Variants in LIX1 observed in about 807,000 individuals in gnomAD.
LIX1 encodes the protein protein limb expression 1 homolog.
A neutral mutation model predicts 33.4 loss-of-function variants in LIX1; 24 were observed. The observed-to-expected ratio is 0.72, with a 90% CI of 0.52 to 1.01. The LOEUF is 1.01. Among genes scored for constraint, LIX1 ranks in the 50% least tolerant of loss-of-function variants. The pLI is 0.00. For synonymous variants in LIX1, 124 were observed against 124.0 expected (o/e 1.00, Z 0.00); for missense variants, 311 against 339.2 (o/e 0.92, Z 0.65).
At chr5:97,110,855 G>C (rs760451182) in intron 2 of LIX1, among the ~76,000 whole-genome samples, 1 of 152,234 alleles carries the variant, frequency 6.6e-6, no homozygotes. Flanking sequence ...ACACAAGAAG[G>C]CTTTGGGGGA....
At chr5:97,116,915 T>C (rs1169021495) in intron 2 of LIX1, among the ~76,000 whole-genome samples, 1 of 152,162 alleles carries the variant, frequency 6.6e-6, no homozygotes, top group East Asian at 1.9e-4. Flanking sequence ...GTGGAGATAG[T>C]CTGAAGTCTT....
At chr5:97,142,442 G>T in intron 1 of LIX1, 53 bp downstream of exon 1, 1 of 1,243,134 alleles carries the variant, frequency 8.0e-7, no homozygotes, top group Non-Finnish European at 1.2e-6. Context: ...GTGACTTGAC[G>T]TTTAGGACTA....
rs1431909010 is a variant in LIX1, at chr5:97,135,375, A to T, written c.82+7120T>A. Among the ~76,000 whole-genome samples, 3 of 152,232 alleles carry T rather than the reference A, an allele frequency of 2.0e-5. No homozygotes were observed. The East Asian group carries it at 5.8e-4, about 29-fold the overall frequency. ...AGTTAAGCAGCATGCCTGATTCCAC[A>T]TATGTGGTTTATATGTGCACATTGG... On this transcript the variant is annotated intron_variant, in intron 1 of 5. Transcript: ENST00000274382.
At chr5:97,105,163 A>G in intron 4 of LIX1, 27 bp downstream of exon 4, 1 of 1,590,224 alleles carries the variant, frequency 6.3e-7, no homozygotes, top group Middle Eastern at 1.7e-4. Context: ...GGATAATCAA[A>G]CAAATATGTG....
At chr5:97,126,449 T>G (rs1018104021) in intron 1 of LIX1, among the ~76,000 whole-genome samples, 3 of 152,140 alleles carry the variant, frequency 2.0e-5, no homozygotes, top group African/African-American at 7.2e-5. Flanking sequence ...CTGGTTGCCA[T>G]GTATATTTAA....
chr5:97,096,159 T>A (rs558123666), intron 5 of LIX1, among the ~76,000 whole-genome samples: 4 of 152,134 alleles, frequency 2.6e-5, no homozygotes, highest in African/African-American at 7.2e-5. Flanking sequence ...GAAGGATAAA[T>A]CTTGGAGAAC....
At position 97,124,584 on chromosome 5, in the gene LIX1, T is replaced by C; in HGVS notation, c.128A>G (p.Gln43Arg). 3 of 1,610,524 alleles carry C rather than the reference T, an allele frequency of 1.9e-6. No individual in the cohort carries two copies. The highest frequency in any genetic ancestry group is 2.5e-6 in the Non-Finnish European group (3 of 1,177,944). Reference protein sequence around the residue: ...MLQEFWESKQQQKAAFPSEGV... With the variant: ...MLQEFWESKQRQKAAFPSEGV... ...TTCACTTGGGAATGCAGCCTTCTGC[T>C]GCTGCTTGCTTTCCCAAAATTCCTG... Residue 43 changes from glutamine to arginine, a missense_variant, in exon 2 of 6, where the codon CAG becomes CGG. Transcript: ENST00000274382.
At chr5:97,110,940 G>A (rs1374630177) in intron 2 of LIX1, among the ~76,000 whole-genome samples, 10 of 152,146 alleles carry the variant, frequency 6.6e-5, no homozygotes, top group Admixed American at 5.9e-4. Flanking sequence ...ACCAGAATGG[G>A]TTTGACAAGG....
intron 2 of LIX1, 102 bp from the exon 3 acceptor site, chr5:97,107,602 T>C (rs1747126991): frequency 1.6e-6 from 2 of 1,260,554 alleles, no homozygotes; most frequent in African/African-American, 1.5e-5. Flanking sequence ...ATACATTTAC[T>C]GTCCGCATCT....
At chr5:97,123,571 G>A (rs972282512) in intron 2 of LIX1, among the ~76,000 whole-genome samples, 1 of 152,138 alleles carries the variant, frequency 6.6e-6, no homozygotes, top group East Asian at 1.9e-4. Context: ...CATTTAAATC[G>A]TTTAAATCCA....
intron 1 of LIX1, among the ~76,000 whole-genome samples, chr5:97,140,486 G>C (rs973902579): frequency 3.3e-5 from 5 of 152,210 alleles, no homozygotes; most frequent in African/African-American, 4.8e-5. Context: ...GCTGGTGGCA[G>C]CTTTTTACAG....
At chr5:97,127,179 A>C (rs1747947709) in intron 1 of LIX1, among the ~76,000 whole-genome samples, 1 of 152,146 alleles carries the variant, frequency 6.6e-6, no homozygotes. Flanking sequence ...GTCAACAAGG[A>C]CTATTAGCCT....
At chr5:97,119,897 C>T (rs1454220337) in intron 2 of LIX1, among the ~76,000 whole-genome samples, 1 of 152,104 alleles carries the variant, frequency 6.6e-6, no homozygotes, top group East Asian at 1.9e-4. Flanking sequence ...TTCTTACACT[C>T]ATATCTTCTA....
At chr5:97,122,591 T>G (rs1377552697) in intron 2 of LIX1, among the ~76,000 whole-genome samples, 2 of 152,234 alleles carry the variant, frequency 1.3e-5, no homozygotes, top group Non-Finnish European at 1.5e-5. Context: ...AGAGTTCATC[T>G]TGTTGATTCT....
At chr5:97,131,498 G>A (rs1034927576) in intron 1 of LIX1, among the ~76,000 whole-genome samples, 6 of 152,164 alleles carry the variant, frequency 3.9e-5, no homozygotes, top group East Asian at 3.8e-4. Context: ...CTGGCTAAAT[G>A]TATCCAGTCA....
intron 2 of LIX1, among the ~76,000 whole-genome samples, chr5:97,113,508 T>G (rs182309245): frequency 1.3e-5 from 2 of 152,342 alleles, no homozygotes; most frequent in African/African-American, 4.8e-5. Flanking sequence ...TTATCACATT[T>G]TGTTACCACA....
At chr5:97,097,901 TAAA>T (rs1186680576) in intron 4 of LIX1, among the ~76,000 whole-genome samples, 1 of 152,186 alleles carries the variant, frequency 6.6e-6, no homozygotes, top group Non-Finnish European at 1.5e-5. Flanking sequence ...GCCGGCATAA[TAAA>T]GAAGTCCCCT....
intron 1 of LIX1, among the ~76,000 whole-genome samples, chr5:97,129,400 TA>T (rs994688664): frequency 1.5e-3 from 225 of 149,544 alleles, no homozygotes; most frequent in African/African-American, 5.1e-3. Context: ...TAACAAGATT[TA>T]AAAAAAAAAC....
chr5:97,129,737 A>G (rs887529300), intron 1 of LIX1, among the ~76,000 whole-genome samples: 4 of 152,218 alleles, frequency 2.6e-5, no homozygotes, highest in African/African-American at 9.7e-5. Context: ...CATTGGAGAA[A>G]GAATTATATC....
Sources: gnomAD v4.1 joint callset for allele counts (sites outside exome capture counted in the v4.1 genomes callset) on GRCh38, gnomAD v4.1.1 for gene constraint, MANE v1.5 for transcripts, NCBI Gene and HGNC (gene_info 2026-07-23, HGNC 2026-07-21) for gene names.